NFE2L2: variants seen among roughly 807,000 people sequenced by gnomAD.
The protein encoded by NFE2L2 is NFE2 like bZIP transcription factor 2.
In NFE2L2, 20 loss-of-function variants were observed where a neutral mutation model predicts 49.6. That is an observed-to-expected ratio of 0.40 (90% CI 0.28 to 0.59). The LOEUF (loss-of-function observed/expected upper bound fraction) is 0.59. NFE2L2 is among the 20% of genes least tolerant of loss of function. NFE2L2 has a pLI of 0.40. For synonymous variants in NFE2L2, 244 were observed against 256.5 expected (o/e 0.95, Z 0.47); for missense variants, 578 against 714.2 (o/e 0.81, Z 2.17).
rs117263449 is a variant in NFE2L2 at position 177,251,731 on chromosome 2, C to T, written c.45+12801G>A. 7.4e-3 allele frequency among the ~76,000 whole-genome samples: 1,124 copies of T among 152,220 alleles called. 16 individuals are homozygous for T. The highest frequency in any genetic ancestry group is 0.062 in the East Asian group (322 of 5,184). On this transcript the variant is annotated intron_variant, in intron 1 of 4. Transcript: ENST00000397062. ...TGGAACTCGAGGGATTTTTGCCAGG[C>T]GTGGTGGCTCATGCCTGTAATCCCA... is the stretch of plus-strand genomic sequence containing the variant.
chr2:177,236,287 CA>C (rs1378440302), intron 1 of NFE2L2, among the ~76,000 whole-genome samples: 1 of 152,224 alleles, frequency 6.6e-6, no homozygotes, highest in Non-Finnish European at 1.5e-5. Flanking sequence ...CACCTGTGTC[CA>C]TGATTGAAGG....
At position 177,264,715 on chromosome 2, in the gene NFE2L2, G is replaced by C; in HGVS notation, c.-139C>G. 1.5e-6 allele frequency: 1 copy of C among 680,394 alleles called. No individual in the cohort carries two copies. The highest frequency in any genetic ancestry group is 2.1e-6 in the Non-Finnish European group (1 of 470,092). 42.1% of individuals were successfully genotyped at this position (680,394 alleles called of 1,614,324 possible). On this transcript the variant is annotated 5_prime_UTR_variant, in exon 1 of 5. Coordinates refer to ENST00000397062, the MANE Select transcript of NFE2L2 (RefSeq NM_006164.5). The stretch of plus-strand genomic sequence containing the variant: ...GTCGGCGGCTCCTCCGGGCTCCCCG[G>C]CACTCGGTAATCGGCTACACGCCGG...
At chr2:177,245,140 TCATA>T (rs1267681150) in intron 1 of NFE2L2, among the ~76,000 whole-genome samples, 1 of 152,036 alleles carries the variant, frequency 6.6e-6, no homozygotes, top group African/African-American at 2.4e-5. Context: ...AGGAAAATTC[TCATA>T]CATAAAGAGA....
intron 1 of NFE2L2, among the ~76,000 whole-genome samples, chr2:177,251,725 G>A (rs1335903233): frequency 6.6e-6 from 1 of 152,142 alleles, no homozygotes; most frequent in Non-Finnish European, 1.5e-5. Context: ...AGGGATTTTT[G>A]CCAGGCGTGG....
chr2:177,240,146 G>A (rs1221310599), intron 1 of NFE2L2, among the ~76,000 whole-genome samples: 1 of 152,102 alleles, frequency 6.6e-6, no homozygotes, highest in Non-Finnish European at 1.5e-5. Context: ...GGAAATAATC[G>A]TCTGGGTGGA....
chr2:177,257,870 A>G (rs771558568), intron 1 of NFE2L2, among the ~76,000 whole-genome samples: 1 of 152,240 alleles, frequency 6.6e-6, no homozygotes, highest in Non-Finnish European at 1.5e-5. Context: ...TCTGAGGTGG[A>G]ACAGTTTCAT....
chr2:177,262,387 C>A (rs1690772906), intron 1 of NFE2L2, among the ~76,000 whole-genome samples: 1 of 152,216 alleles, frequency 6.6e-6, no homozygotes, highest in Non-Finnish European at 1.5e-5. Context: ...CTAAGGCTCT[C>A]CTTACTGCCC....
At chr2:177,259,790 G>A (rs1449629765) in intron 1 of NFE2L2, among the ~76,000 whole-genome samples, 1 of 152,114 alleles carries the variant, frequency 6.6e-6, no homozygotes, top group Non-Finnish European at 1.5e-5. Flanking sequence ...AAATTAGCCA[G>A]GCGTGGTGGC....
intron 1 of NFE2L2, among the ~76,000 whole-genome samples, chr2:177,260,215 T>C (rs757676871): frequency 6.6e-6 from 1 of 152,220 alleles, no homozygotes; most frequent in Non-Finnish European, 1.5e-5. Flanking sequence ...CAGTCAGAGA[T>C]GAAGACAAGC....
chr2:177,238,279 TCTG>T lies in NFE2L2; in HGVS notation c.46-4011_46-4009del, dbSNP rs202181500. ...GAAGCAATTTAGGTTGCAAACATCT[TCTG>T]CTCATAAATCTGACTTGCAAAGTAT... On this transcript the variant is annotated intron_variant, in intron 1 of 4. Transcript: ENST00000397062. Among the ~76,000 whole-genome samples, 8 of 151,486 alleles carry T rather than the reference TCTG, an allele frequency of 5.3e-5. No individual in the cohort carries two copies. The East Asian group carries it at 1.7e-3, about 32-fold the overall frequency.
chr2:177,264,618 CCTGTTCCGGCTGCCGAGGCGCGGCG>C lies in NFE2L2; in HGVS notation c.-67_-43del, dbSNP rs1690870343. On this transcript the variant is annotated 5_prime_UTR_variant, in exon 1 of 5. Transcript: ENST00000397062. ...TGTGTTGGGGCTCCCCGACGGCGGC[CCTGTTCCGGCTGCCGAGGCGCGGCG>C]CGGACAGGGCGGCTCTGGTGGCGGC... The C allele has an allele frequency of 7.1e-7, 1 of 1,412,816 alleles. No individual in the cohort carries two copies. The highest frequency in any genetic ancestry group is 1.5e-5 in the South Asian group (1 of 65,308). The allele number at this position is 1,412,816 out of a possible 1,614,324, so 87.5% of individuals were successfully genotyped here.
At chr2:177,262,572 TTC>T (rs1258592312) in intron 1 of NFE2L2, among the ~76,000 whole-genome samples, 1 of 152,260 alleles carries the variant, frequency 6.6e-6, no homozygotes. Context: ...AATTTTCTTG[TTC>T]TTTTTCTGTT....
intron 1 of NFE2L2, among the ~76,000 whole-genome samples, chr2:177,236,946 C>A (rs535500912): frequency 6.6e-6 from 1 of 152,286 alleles, no homozygotes; most frequent in South Asian, 2.1e-4. Context: ...TGGCTCACTG[C>A]AGCCTTCACC....
At chr2:177,263,955 C>T (rs1574289229) in intron 1 of NFE2L2, 3 of 985,266 alleles carry the variant, frequency 3.0e-6, no homozygotes, top group African/African-American at 3.5e-5. Flanking sequence ...GCCGCGCCCA[C>T]AGACGGCCCA....
chr2:177,240,267 C>A (rs1248230012), intron 1 of NFE2L2, among the ~76,000 whole-genome samples: 2 of 152,136 alleles, frequency 1.3e-5, no homozygotes, highest in African/African-American at 2.4e-5. Context: ...AAGTGCAAGT[C>A]CCCCATGGAG....
In NFE2L2 at chr2:177,264,665, C is replaced by A; in HGVS notation, c.-89G>T. 2.0e-6 allele frequency: 1 copy of A among 506,832 alleles called. No individual in the cohort carries two copies. The highest frequency in any genetic ancestry group is 1.3e-4 in the South Asian group (1 of 7,958). 31.4% of individuals were successfully genotyped at this position (506,832 alleles called of 1,614,324 possible). ...GGCGCGGACAGGGCGGCTCTGGTGG[C>A]GGCGGCGGCGGCGGTGGCGGCTGCG... is the stretch of plus-strand genomic sequence containing the variant. On this transcript the variant is annotated 5_prime_UTR_variant, in exon 1 of 5. Coordinates refer to ENST00000397062, the MANE Select transcript of NFE2L2 (RefSeq NM_006164.5).
chr2:177,255,216 T>C (rs1690475165), intron 1 of NFE2L2, among the ~76,000 whole-genome samples: 1 of 152,198 alleles, frequency 6.6e-6, no homozygotes, highest in South Asian at 2.1e-4. Flanking sequence ...GGAAAGACTT[T>C]ACTTCTCAGG....
chr2:177,250,210 AT>A (rs1331898196), intron 1 of NFE2L2, among the ~76,000 whole-genome samples: 5 of 152,216 alleles, frequency 3.3e-5, no homozygotes, highest in Non-Finnish European at 7.3e-5. Flanking sequence ...AATTACCATG[AT>A]TATTGCAAAG....
chr2:177,249,107 C>A (rs1277534333), intron 1 of NFE2L2, among the ~76,000 whole-genome samples: 2 of 152,040 alleles, frequency 1.3e-5, no homozygotes, highest in African/African-American at 4.8e-5. Flanking sequence ...GTGGCCCCGG[C>A]TACTCAGAAG....
Sources: gnomAD v4.1 joint callset for allele counts (sites outside exome capture counted in the v4.1 genomes callset) on GRCh38, gnomAD v4.1.1 for gene constraint, MANE v1.5 for transcripts, NCBI Gene and HGNC (gene_info 2026-07-23, HGNC 2026-07-21) for gene names.